ZNF836: variants seen among roughly 807,000 people sequenced by gnomAD.
ZNF836 encodes the protein zinc finger protein 836.
In ZNF836, 12 loss-of-function variants were observed where a neutral mutation model predicts 7.4. That is an observed-to-expected ratio of 1.61 (90% CI 1.03 to 2.61). ZNF836 has a LOEUF of 2.61. Among genes scored for constraint, ZNF836 ranks in the 30% most tolerant of loss-of-function variants. The pLI, the probability that ZNF836 is intolerant of heterozygous loss-of-function variation, is 0.00. For synonymous variants in ZNF836, 365 were observed against 382.6 expected, an observed-to-expected ratio of 0.95 and a Z score of 0.54; for missense variants, 998 against 1,126.2, an observed-to-expected ratio of 0.89 and a Z score of 1.63.
rs1310051583 is a variant in ZNF836, at chr19:52,155,719, C to T, written c.1964G>A (p.Arg655His). Residue 655 changes from arginine (R) to histidine (H), a missense_variant, in exon 5 of 5, where the codon CGT becomes CAT. By Grantham distance (29) the Arg-to-His change is conservative (BLOSUM62 0). Coordinates refer to ENST00000682614, the MANE Select transcript of ZNF836 (RefSeq NM_001102657.3). ...KVFSYYSCLA[R>H]HRKIHTGEKP... ...CTCTCCGGTATGAATTTTCCGATGA[C>T]GTGCTAGGCATGAGTAGTAACTGAA... 5.0e-6 allele frequency: 8 copies of T among 1,614,006 alleles called. No homozygotes were observed. Among genetic ancestry groups the T allele is most frequent in the African/African-American group, 2.7e-5 (2 of 74,896 alleles).
At chr19:52,158,699 C>T (rs1444392028) in intron 4 of ZNF836, among the ~76,000 whole-genome samples, 8 of 151,994 alleles carry the variant, frequency 5.3e-5, no homozygotes, top group South Asian at 2.1e-4. Context: ...GCTGAGATCG[C>T]GCCACAGCAC....
At position 52,154,948 on chromosome 19, in the gene ZNF836, T is replaced by G. The variant is rs2089136988; in HGVS notation, c.2735A>C (p.His912Pro). The change falls in exon 5 of 5, where the codon CAT (histidine) becomes CCT (proline). Residue 912 changes from histidine to proline, a missense_variant. His to Pro is a moderately conservative substitution (Grantham distance 77). Coordinates refer to ENST00000682614, the MANE Select transcript of ZNF836 (RefSeq NM_001102657.3). ...TTTTGTTTTAAGACTCTCTGCAGTA[T>G]GTTTTGTCTGATGTTTAGTGAGGCC... ...RSGLTKHQTK[H>P]TAESLKTKFN... The G allele has an allele frequency of 3.2e-6, 5 of 1,583,978 alleles. No individual in the cohort carries two copies. The highest frequency in any genetic ancestry group is 1.2e-5 in the South Asian group (1 of 86,170).
At chr19:52,169,352 G>A (rs956654919) in intron 2 of ZNF836, among the ~76,000 whole-genome samples, 8 of 152,150 alleles carry the variant, frequency 5.3e-5, no homozygotes, top group African/African-American at 1.2e-4. Context: ...GGCCGAGGCC[G>A]GCAGATCACC....
chr19:52,162,169 A>G (rs2089218657), intron 3 of ZNF836, among the ~76,000 whole-genome samples: 1 of 152,196 alleles, frequency 6.6e-6, no homozygotes. Context: ...CAGTGCCTGC[A>G]GCTCTCCCGA....
chr19:52,160,702 C>CA, intron 3 of ZNF836, 111 bp from the exon 4 acceptor site: 4 of 1,325,218 alleles, frequency 3.0e-6, no homozygotes, highest in Non-Finnish European at 4.1e-6. Context: ...TTTCACATAT[C>CA]CATGCAAGGC....
chr19:52,160,238 G>A, intron 4 of ZNF836: 1 of 588,692 alleles, frequency 1.7e-6, no homozygotes. Context: ...CTTAAATATG[G>A]GAATTCTACT....
chr19:52,155,074 G>A lies in ZNF836; in HGVS notation c.2609C>T (p.Ala870Val), dbSNP rs200158862. Residue 870 changes from alanine to valine, a missense_variant, in exon 5 of 5, where the codon GCC becomes GTC. By Grantham distance (64) the Ala-to-Val change is moderately conservative. Transcript: ENST00000682614. ...GTTGAGGCAAGAAAACCGCCCAAAG[G>A]CCTTGCCACATTCAATACATTTGTA... ...KPYKCIECGK[A>V]FGRFSCLNKH... 6.2e-7 allele frequency: 1 copy of A among 1,614,084 alleles called. No homozygotes were observed.
intron 4 of ZNF836, among the ~76,000 whole-genome samples, chr19:52,159,706 C>G (rs1186177515): frequency 1.3e-5 from 2 of 152,040 alleles, no homozygotes; most frequent in Non-Finnish European, 2.9e-5. Flanking sequence ...AATTAATATG[C>G]TAGTAAGTAA....
At position 52,156,029 on chromosome 19, in the gene ZNF836, G is replaced by A. The variant is rs769491932; in HGVS notation, c.1654C>T (p.Gln552Ter). The change falls in exon 5 of 5, where the codon CAA becomes TAA. Residue 552 changes from glutamine to a stop codon, truncating the protein, a stop_gained. Transcript: ENST00000682614. LOFTEE classifies it low-confidence loss of function (END_TRUNC). Reference sequence around the variant, plus strand: ...CCACACACATTACATTTGTAAGGTTGCTCCCCAGTATGAATTCTTAAATGT... The same window carrying A: ...CCACACACATTACATTTGTAAGGTTACTCCCCAGTATGAATTCTTAAATGT... Reference protein sequence around the residue: ...VRHLRIHTGEQPYKCNVCGKV... With the variant: ...VRHLRIHTGE 1.9e-6 allele frequency: 3 copies of A among 1,613,586 alleles called. No homozygotes were observed. Among genetic ancestry groups the A allele is most frequent in the Non-Finnish European group, 2.5e-6 (3 of 1,179,776 alleles).
chr19:52,167,809 G>A (rs1006103403), intron 3 of ZNF836, among the ~76,000 whole-genome samples: 7 of 152,106 alleles, frequency 4.6e-5, no homozygotes, highest in African/African-American at 1.7e-4. Flanking sequence ...CCCATACCCC[G>A]TCTCCATCCG....
chr19:52,163,591 G>C (rs1254680393), intron 3 of ZNF836, among the ~76,000 whole-genome samples: 3 of 152,052 alleles, frequency 2.0e-5, no homozygotes, highest in Non-Finnish European at 2.9e-5. Flanking sequence ...TGGCCAACAT[G>C]GTGAAACCCC....
chr19:52,160,792 G>A (rs1471402201), intron 3 of ZNF836: 3 of 577,666 alleles, frequency 5.2e-6, no homozygotes, highest in Non-Finnish European at 8.7e-6. Flanking sequence ...GTAAATCAGT[G>A]TAGGCTTCTC....
rs922393674 is a variant in ZNF836, at chr19:52,154,633, C to A, written c.*239G>T. ...CTAGATCACGCCACTGCATTCCAGC[C>A]TGGCGACAGAGAGAGACTCCGTCTC... On this transcript the variant is annotated 3_prime_UTR_variant, in exon 5 of 5. Transcript: ENST00000682614. The A allele has an allele frequency of 1.5e-5, 5 of 330,568 alleles. No individual in the cohort carries two copies. Among genetic ancestry groups the A allele is most frequent in the Non-Finnish European group, 2.8e-5 (5 of 181,724 alleles). The allele number at this position is 330,568 out of a possible 1,614,324, so 20.5% of individuals were successfully genotyped here.
rs113760887 is a variant in ZNF836, at chr19:52,166,041, G to C, written c.15+2017C>G. On this transcript the variant is annotated intron_variant, in intron 3 of 4. Coordinates refer to ENST00000682614, the MANE Select transcript of ZNF836 (RefSeq NM_001102657.3). ...GAGTCTAGCTCTGTCACCCAGGCTG[G>C]AGTGCAATGGTGCAATCTCAGCTCA... is the stretch of plus-strand genomic sequence containing the variant. 7.7e-4 allele frequency among the ~76,000 whole-genome samples: 117 copies of C among 151,946 alleles called. 1 individual carries two copies. Among genetic ancestry groups the C allele is most frequent in the African/African-American group, 2.7e-3 (112 of 41,440 alleles).
chr19:52,158,485 C>G (rs2122212124), intron 4 of ZNF836, among the ~76,000 whole-genome samples: 1 of 152,178 alleles, frequency 6.6e-6, no homozygotes, highest in East Asian at 1.9e-4. Context: ...TGGCTCACAC[C>G]TGTAATCCCA....
chr19:52,157,379 A>T lies in ZNF836; in HGVS notation c.304T>A (p.Trp102Arg). ...TTATAATTTATTTCACCATCTTTCCATTGAAACTCAAGGTCCTGTAGATTT... is the reference window on the plus strand; with the variant it reads ...TTATAATTTATTTCACCATCTTTCCTTTGAAACTCAAGGTCCTGTAGATTT... ...QKNLQDLEFQ[W>R]KDGEINYKEV... Residue 102 changes from tryptophan to arginine, a missense_variant, in exon 5 of 5, where the codon TGG (tryptophan) becomes AGG (arginine). Transcript: ENST00000682614. 1 of 1,608,196 alleles carries T rather than the reference A, an allele frequency of 6.2e-7. No homozygotes were observed. Among genetic ancestry groups the T allele is most frequent in the Non-Finnish European group, 8.5e-7 (1 of 1,178,612 alleles).
Position 52,155,818 on chromosome 19 carries a change from C to G in ZNF836, c.1865G>C (p.Ser622Thr), listed in dbSNP as rs1182620721. 5.6e-6 allele frequency: 9 copies of G among 1,613,864 alleles called. No homozygotes were observed. In the Admixed American group the frequency reaches 6.7e-5, roughly 12 times the overall value. The change falls in exon 5 of 5, where the codon AGT (serine) becomes ACT (threonine). Residue 622 changes from serine to threonine, a missense_variant. Coordinates refer to ENST00000682614, the MANE Select transcript of ZNF836 (RefSeq NM_001102657.3). ...CNVCGKVFND[S>T]GNLSNHKRIH... Reference sequence around the variant, plus strand: ...TCTCTTATGATTTGAAAGGTTTCCACTGTCATTGAAGACCTTGCCACACAC... The same window carrying G: ...TCTCTTATGATTTGAAAGGTTTCCAGTGTCATTGAAGACCTTGCCACACAC...
Position 52,156,994 on chromosome 19 carries a change from G to C in ZNF836, c.689C>G (p.Ser230Cys), listed in dbSNP as rs755183271. The change falls in exon 5 of 5, where the codon TCT (serine) becomes TGT (cysteine). Residue 230 changes from serine to cysteine, a missense_variant. Physicochemically the swap from Ser to Cys is moderately radical, Grantham distance 112. Transcript: ENST00000682614. ...CATCTGATGGTTAATAAGACTTGAAGACACTCTAAAGGCTTTGCCACACCC... is the reference window on the plus strand; with the variant it reads ...CATCTGATGGTTAATAAGACTTGAACACACTCTAAAGGCTTTGCCACACCC... ...CKGCGKAFRV[S>C]SSLINHQMVH... The C allele has an allele frequency of 1.1e-5, 17 of 1,613,072 alleles. No individual in the cohort carries two copies. The highest frequency in any genetic ancestry group is 1.7e-5 in the Admixed American group (1 of 59,972).
chr19:52,166,701 G>A (rs1033350842), intron 3 of ZNF836, among the ~76,000 whole-genome samples: 2 of 150,508 alleles, frequency 1.3e-5, no homozygotes, highest in African/African-American at 4.9e-5. Context: ...AGCCTCCCAA[G>A]TAGCTGGGAC....
Sources: allele counts gnomAD v4.1 joint callset (sites outside exome capture counted in the v4.1 genomes callset), GRCh38; gene constraint gnomAD v4.1.1; transcripts MANE v1.5; gene names NCBI Gene and HGNC (gene_info 2026-07-23, HGNC 2026-07-21).